Variants in SLC35F4 observed in about 807,000 individuals in gnomAD.
SLC35F4 encodes chromosome 14 open reading frame 36.
A neutral mutation model predicts 44.2 loss-of-function variants in SLC35F4; 24 were observed. The ratio of observed to expected loss-of-function variants is 0.54; its 90% CI spans 0.39 to 0.76. The LOEUF is 0.76. Ranked by LOEUF, SLC35F4 falls within the 30% of genes least tolerant of loss-of-function variation. SLC35F4 has a pLI of 0.00. For synonymous variants in SLC35F4, 238 were observed against 223.6 expected, an observed-to-expected ratio of 1.06 and a Z score of -0.57; for missense variants, 562 against 586.1, an observed-to-expected ratio of 0.96 and a Z score of 0.42.
chr14:57,633,578 C>G (rs1415284866), intron 1 of SLC35F4, among the ~76,000 whole-genome samples: 1 of 152,028 alleles, frequency 6.6e-6, no homozygotes, highest in South Asian at 2.1e-4. Flanking sequence ...TTCCCATGTA[C>G]CCTTCACCCA....
intron 1 of SLC35F4, among the ~76,000 whole-genome samples, chr14:57,702,243 C>G (rs1207792289): frequency 6.6e-6 from 1 of 151,700 alleles, no homozygotes; most frequent in Admixed American, 6.6e-5. Context: ...AACCTTTGTC[C>G]TCCTTTACCC....
chr14:57,647,565 T>A (rs972886332), intron 1 of SLC35F4, among the ~76,000 whole-genome samples: 1 of 152,124 alleles, frequency 6.6e-6, no homozygotes, highest in African/African-American at 2.4e-5. Flanking sequence ...AATGTTTCAG[T>A]CCATAAGCTC....
At chr14:57,590,705 T>C (rs1005900130) in intron 2 of SLC35F4, among the ~76,000 whole-genome samples, 2 of 152,168 alleles carry the variant, frequency 1.3e-5, no homozygotes, top group Non-Finnish European at 2.9e-5. Flanking sequence ...TGAGCTGAGA[T>C]CCCAGATGGT....
chr14:57,697,296 T>C (rs1054593894), intron 1 of SLC35F4, among the ~76,000 whole-genome samples: 1 of 152,200 alleles, frequency 6.6e-6, no homozygotes, highest in Admixed American at 6.6e-5. Context: ...TTGTTATTTC[T>C]ATTTTAACTA....
At chr14:57,972,144 A>T (rs1378963481), downstream of SLC35F4, among the ~76,000 whole-genome samples, 2 of 152,234 alleles carry the variant, frequency 1.3e-5, no homozygotes, top group Non-Finnish European at 2.9e-5. Flanking sequence ...GATTACAGTG[A>T]AAGAGGGGGA....
chr14:57,665,723 C>T (rs73305933), intron 1 of SLC35F4, among the ~76,000 whole-genome samples: 5 of 152,124 alleles, frequency 3.3e-5, no homozygotes, highest in African/African-American at 4.8e-5. Context: ...GACCTGGAAT[C>T]GATCTAAATG....
chr14:57,674,324 A>G (rs553499188), intron 1 of SLC35F4, among the ~76,000 whole-genome samples: 3 of 152,256 alleles, frequency 2.0e-5, no homozygotes, highest in Non-Finnish European at 2.9e-5. Flanking sequence ...ATAACACTGA[A>G]CATAGGCCTA....
At chr14:57,594,468 A>C (rs1192056212) in intron 1 of SLC35F4, among the ~76,000 whole-genome samples, 4 of 123,008 alleles carry the variant, frequency 3.3e-5, no homozygotes, top group African/African-American at 5.9e-5. Context: ...AGTCCTAATG[A>C]GCTTATTCAA....
intron 1 of SLC35F4, among the ~76,000 whole-genome samples, chr14:57,937,572 AAG>A (rs1331429757): frequency 8.4e-5 from 11 of 131,294 alleles, no homozygotes; most frequent in East Asian, 2.3e-4. Flanking sequence ...AAGAAAAGAA[AAG>A]AGAAAAGAAA....
At chr14:57,748,102 C>T (rs2076801590) in intron 1 of SLC35F4, among the ~76,000 whole-genome samples, 1 of 152,098 alleles carries the variant, frequency 6.6e-6, no homozygotes, top group Non-Finnish European at 1.5e-5. Flanking sequence ...CTATACATGA[C>T]CAAGAAAACA....
intron 1 of SLC35F4, among the ~76,000 whole-genome samples, chr14:57,812,810 C>T (rs923530957): frequency 3.3e-5 from 5 of 152,082 alleles, no homozygotes; most frequent in Admixed American, 1.3e-4. Context: ...CAGAAAATAC[C>T]ACATGTACAG....
intron 3 of SLC35F4, among the ~76,000 whole-genome samples, chr14:57,587,037 G>T (rs1353592633): frequency 6.6e-6 from 1 of 151,856 alleles, no homozygotes; most frequent in Non-Finnish European, 1.5e-5. Flanking sequence ...ATCATCACTG[G>T]TCATTAGAGA....
At chr14:57,901,802 C>T (rs1889005891) in intron 1 of SLC35F4, among the ~76,000 whole-genome samples, 1 of 151,988 alleles carries the variant, frequency 6.6e-6, no homozygotes, top group Admixed American at 6.6e-5. Flanking sequence ...CTCATTATAC[C>T]CTTACCAAGT....
At chr14:57,890,038 G>A (rs1319238823) in intron 1 of SLC35F4, among the ~76,000 whole-genome samples, 3 of 152,050 alleles carry the variant, frequency 2.0e-5, no homozygotes, top group Non-Finnish European at 4.4e-5. Context: ...CTGTGGATGC[G>A]GTATCCTTCT....
chr14:57,911,323 T>C (rs1255286219), intron 1 of SLC35F4, among the ~76,000 whole-genome samples: 1 of 152,020 alleles, frequency 6.6e-6, no homozygotes, highest in East Asian at 1.9e-4. Context: ...AGTATGATAT[T>C]GAAAAGCAGT....
In SLC35F4 at chr14:57,814,369, A is replaced by C. The variant is rs540467196; in HGVS notation, c.103+51354T>G. 3.3e-5 allele frequency among the ~76,000 whole-genome samples: 5 copies of C among 152,330 alleles called. No homozygotes were observed. The South Asian group carries it at 1.0e-3, about 32-fold the overall frequency. ...CTCTAAGTTTAAGGAAGAACAGGAA[A>C]ACTGGCAGAGACAAACCCAAAGACC... is the stretch of plus-strand genomic sequence containing the variant. On this transcript the variant is annotated intron_variant, in intron 1 of 7. Transcript: ENST00000556826.
intron 1 of SLC35F4, among the ~76,000 whole-genome samples, chr14:57,785,735 T>C (rs2077739455): frequency 1.3e-5 from 2 of 152,170 alleles, no homozygotes; most frequent in African/African-American, 2.4e-5. Flanking sequence ...AGTGAAATAC[T>C]GGGGAAGAGG....
intron 1 of SLC35F4, among the ~76,000 whole-genome samples, chr14:57,782,944 T>C (rs1209531298): frequency 1.3e-5 from 2 of 152,052 alleles, no homozygotes; most frequent in Non-Finnish European, 2.9e-5. Context: ...TTGCCGGCTA[T>C]CTCAAGATAA....
intron 1 of SLC35F4, among the ~76,000 whole-genome samples, chr14:57,888,739 G>T (rs1888702304): frequency 6.6e-6 from 1 of 152,066 alleles, no homozygotes; most frequent in African/African-American, 2.4e-5. Flanking sequence ...CTTCATTTTT[G>T]TTTTGAACTT....
Sources: allele counts gnomAD v4.1 joint callset (sites outside exome capture counted in the v4.1 genomes callset), GRCh38; gene constraint gnomAD v4.1.1; transcripts MANE v1.5; gene names NCBI Gene and HGNC (gene_info 2026-07-23, HGNC 2026-07-21).